The following PCDHA6 variants were observed in gnomAD, a reference collection of about 807,000 sequenced individuals.
PCDHA6 encodes protocadherin alpha 6, also known as protocadherin alpha-6.
Under a neutral mutation model 60.3 loss-of-function variants are expected in PCDHA6, and 55 were observed. That is an observed-to-expected ratio of 0.91 (90% CI 0.73 to 1.14). The LOEUF (loss-of-function observed/expected upper bound fraction) is 1.14. Among genes scored for constraint, PCDHA6 ranks in the 50% most tolerant of loss-of-function variants. The pLI, the probability that PCDHA6 is intolerant of heterozygous loss-of-function variation, is 0.00. For synonymous variants in PCDHA6, 652 were observed against 557.9 expected (o/e 1.17, Z -2.38); for missense variants, 1,327 against 1,256.5 (o/e 1.06, Z -0.85).
At chr5:140,870,252 GGTGACCT>G in intron 1 of PCDHA6, 5 of 1,614,198 alleles carry the variant, frequency 3.1e-6, no homozygotes, top group Non-Finnish European at 4.2e-6. Context: ...TCAACGGACA[GGTGACCT>G]GCTCGCTGAC....
chr5:140,842,381 T>A (rs2150334920), intron 1 of PCDHA6: 1 of 1,610,534 alleles, frequency 6.2e-7, no homozygotes, highest in South Asian at 1.1e-5. Context: ...AGCACTGACT[T>A]CCTTATCCTT....
At chr5:140,836,625 T>C in intron 1 of PCDHA6, 1 of 1,613,558 alleles carries the variant, frequency 6.2e-7, no homozygotes, top group Non-Finnish European at 8.5e-7. Flanking sequence ...GGTGGGGAGC[T>C]GGTCATTCTC....
intron 1 of PCDHA6, among the ~76,000 whole-genome samples, chr5:140,962,957 C>T (rs915413264): frequency 1.3e-5 from 2 of 152,014 alleles, no homozygotes; most frequent in Non-Finnish European, 2.9e-5. Flanking sequence ...ATGCTCTATC[C>T]CTATATAGGA....
At chr5:140,934,771 A>G (rs1319115042) in intron 1 of PCDHA6, among the ~76,000 whole-genome samples, 2 of 152,184 alleles carry the variant, frequency 1.3e-5, no homozygotes, top group Non-Finnish European at 2.9e-5. Context: ...CATATTTGAT[A>G]TGGCCCAATC....
intron 1 of PCDHA6, among the ~76,000 whole-genome samples, chr5:140,964,874 A>C (rs1443431100): frequency 6.6e-6 from 1 of 152,178 alleles, no homozygotes; most frequent in East Asian, 1.9e-4. Flanking sequence ...GACAAATAAG[A>C]AGCAGCAGTG....
chr5:140,843,088 C>A (rs1554139726), intron 1 of PCDHA6: 4 of 1,595,530 alleles, frequency 2.5e-6, no homozygotes, highest in African/African-American at 1.3e-5. Context: ...GCGCGGGCCA[C>A]GTGGTAGCGA....
intron 3 of PCDHA6, among the ~76,000 whole-genome samples, chr5:141,005,884 T>A (rs1554260408): frequency 6.6e-6 from 1 of 151,744 alleles, no homozygotes; most frequent in Non-Finnish European, 1.5e-5. Context: ...GAGTTTGAGG[T>A]TACATCAAGC....
chr5:140,854,555 A>G (rs2043158080), intron 1 of PCDHA6: 1 of 150,006 alleles, frequency 6.7e-6, no homozygotes, highest in Non-Finnish European at 1.5e-5. Context: ...ATTCATAAAT[A>G]TTGTTGCTCT....
chr5:140,843,248 C>G, intron 1 of PCDHA6: 1 of 1,596,046 alleles, frequency 6.3e-7, no homozygotes, highest in Non-Finnish European at 8.6e-7. Context: ...AGCGGACTCT[C>G]CGCGCCACCG....
Position 140,856,142 on chromosome 5 carries a change from T to C in PCDHA6, c.2394+25657T>C. 6.3e-7 allele frequency: 1 copy of C among 1,598,234 alleles called. No homozygotes were observed. Among genetic ancestry groups the C allele is most frequent in the Non-Finnish European group, 8.6e-7 (1 of 1,167,842 alleles). ...GGAGGTGGGGAGCGGCCAGCTCCAC[T>C]ACTCAGTCTACGAGGAGGCCAGACA... On this transcript the variant is annotated intron_variant, in intron 1 of 3. Transcript: ENST00000529310.
intron 1 of PCDHA6, among the ~76,000 whole-genome samples, chr5:140,887,368 T>C (rs2061428699): frequency 6.6e-6 from 1 of 152,174 alleles, no homozygotes; most frequent in Non-Finnish European, 1.5e-5. Context: ...AGTGCTGGGA[T>C]TACAGGTGTG....
intron 1 of PCDHA6, chr5:140,876,199 G>C: frequency 6.2e-7 from 1 of 1,613,940 alleles, no homozygotes; most frequent in South Asian, 1.1e-5. Flanking sequence ...TCCGGCGTTT[G>C]ATAAGCCCAG....
intron 1 of PCDHA6, chr5:140,927,446 TG>T: frequency 2.1e-5 from 34 of 1,614,128 alleles, no homozygotes; most frequent in Non-Finnish European, 2.5e-5. Flanking sequence ...TACCCGGAGT[TG>T]GTGTTGGAGA....
At chr5:140,903,567 G>T (rs1554191019) in intron 1 of PCDHA6, among the ~76,000 whole-genome samples, 1 of 152,170 alleles carries the variant, frequency 6.6e-6, no homozygotes, top group African/African-American at 2.4e-5. Flanking sequence ...GTGGAATTGG[G>T]AGCTGTCTAG....
intron 1 of PCDHA6, among the ~76,000 whole-genome samples, chr5:140,899,105 T>G (rs2153462801): frequency 6.6e-6 from 1 of 152,160 alleles, no homozygotes; most frequent in Non-Finnish European, 1.5e-5. Flanking sequence ...GATAATGGGG[T>G]TTTCTAGATA....
intron 1 of PCDHA6, chr5:140,835,530 G>A (rs140697336): frequency 4.3e-6 from 7 of 1,613,820 alleles, no homozygotes; most frequent in Admixed American, 1.7e-5. Flanking sequence ...TGGAGTCAAC[G>A]GACAGGTTAC....
At chr5:140,859,049 C>A (rs1416112480) in intron 1 of PCDHA6, 2 of 150,472 alleles carry the variant, frequency 1.3e-5, no homozygotes, top group African/African-American at 4.9e-5. Flanking sequence ...AAAACGTTTT[C>A]CATTTTTATT....
chr5:140,971,295 G>C (rs2096467939), intron 1 of PCDHA6, among the ~76,000 whole-genome samples: 2 of 152,232 alleles, frequency 1.3e-5, no homozygotes, highest in South Asian at 4.1e-4. Flanking sequence ...TATGTACTTT[G>C]GTACACAAAC....
intron 1 of PCDHA6, among the ~76,000 whole-genome samples, chr5:140,948,853 C>T (rs1385628610): frequency 6.6e-6 from 1 of 151,298 alleles, no homozygotes; most frequent in Non-Finnish European, 1.5e-5. Context: ...TATTTGCCTT[C>T]TTATATTACT....
Sources: gnomAD v4.1 joint callset for allele counts (sites outside exome capture counted in the v4.1 genomes callset) on GRCh38, gnomAD v4.1.1 for gene constraint, MANE v1.5 for transcripts, NCBI Gene and HGNC (gene_info 2026-07-23, HGNC 2026-07-21) for gene names.